ROCK2: variants seen among roughly 807,000 people sequenced by gnomAD.
ROCK2 encodes rho-associated protein kinase 2.
In ROCK2, 61 loss-of-function variants were observed where a neutral mutation model predicts 195.1. The observed-to-expected ratio is 0.31, with a 90% CI of 0.25 to 0.39. The LOEUF (loss-of-function observed/expected upper bound fraction) is 0.39, where lower values mean the gene tolerates loss of function less well. Among genes scored for constraint, ROCK2 ranks in the 10% least tolerant of loss-of-function variants. The probability of loss-of-function intolerance (pLI) is 1.00; values close to 1 mark genes in which losing one functional copy is unlikely to be tolerated. For missense variants in ROCK2, 1,109 were observed against 1,637.4 expected, an observed-to-expected ratio of 0.68 and a Z score of 5.57; for synonymous variants, 504 against 545.5, an observed-to-expected ratio of 0.92 and a Z score of 1.06.
chr2:11,208,377 C>T lies in ROCK2; in HGVS notation c.2274G>A (p.Glu758=). 6.4e-7 allele frequency: 1 copy of T among 1,554,526 alleles called. No individual in the cohort carries two copies. The highest frequency in any genetic ancestry group is 8.8e-7 in the Non-Finnish European group (1 of 1,142,658). ...CACAGTCTAATAGAGAACATCTTTT[C>T]TCAGCTTCTAGCAATAGGTTCTCCA... The part of the protein sequence containing the change: ...QKVENLLLEA[E]KRCSLLDCDL... Residue 758 remains glutamate, a synonymous_variant, in exon 19 of 33, where the codon GAG becomes GAA. Coordinates refer to ENST00000315872, the MANE Select transcript of ROCK2 (RefSeq NM_004850.5).
chr2:11,211,323 A>G (rs955469067), intron 18 of ROCK2, among the ~76,000 whole-genome samples: 5 of 152,196 alleles, frequency 3.3e-5, no homozygotes, highest in Non-Finnish European at 4.4e-5. Context: ...CTGTATCAAT[A>G]GTAACAGGTA....
intron 5 of ROCK2, among the ~76,000 whole-genome samples, chr2:11,228,767 A>G (rs563662512): frequency 4.6e-5 from 7 of 152,288 alleles, no homozygotes; most frequent in African/African-American, 1.7e-4. Flanking sequence ...CTGGAGACAC[A>G]CACACAGACA....
chr2:11,327,858 C>T (rs1273582503), intron 1 of ROCK2, among the ~76,000 whole-genome samples: 2 of 152,182 alleles, frequency 1.3e-5, no homozygotes, highest in East Asian at 1.9e-4. Context: ...CCACCAAGCC[C>T]GGCCAACTGT....
intron 10 of ROCK2, 116 bp from the exon 11 acceptor site, chr2:11,218,582 A>G (rs1033831388): frequency 2.1e-5 from 14 of 674,274 alleles, no homozygotes; most frequent in Admixed American, 3.4e-5. Flanking sequence ...TAGCTTTCAT[A>G]AGTTTGAAGA....
At chr2:11,343,644 C>T (rs1200385425) in intron 1 of ROCK2, among the ~76,000 whole-genome samples, 1 of 152,216 alleles carries the variant, frequency 6.6e-6, no homozygotes, top group Admixed American at 6.5e-5. Context: ...CGTAGCATGA[C>T]ACTTTCAAAT....
rs950889208 is a variant in ROCK2, at chr2:11,244,741, G to A, written c.462+4920C>T. Reference sequence around the variant, plus strand: ...TGCCACTGTACTAAATACAGCCTGGGCAACAGAGTGAGATCCTGTCTCTAG... The same window carrying A: ...TGCCACTGTACTAAATACAGCCTGGACAACAGAGTGAGATCCTGTCTCTAG... On this transcript the variant is annotated intron_variant, in intron 4 of 32. Transcript: ENST00000315872. Among the ~76,000 whole-genome samples, 6 of 151,736 alleles carry A rather than the reference G, an allele frequency of 4.0e-5. No homozygotes were observed. In the South Asian group the frequency reaches 6.2e-4, roughly 16 times the overall value.
At chr2:11,312,082 T>C (rs1668053370) in intron 1 of ROCK2, among the ~76,000 whole-genome samples, 1 of 152,186 alleles carries the variant, frequency 6.6e-6, no homozygotes, top group Non-Finnish European at 1.5e-5. Flanking sequence ...TACAGAGCAA[T>C]GCCACTCTTC....
intron 1 of ROCK2, among the ~76,000 whole-genome samples, chr2:11,296,621 C>T (rs184522156): frequency 1.0e-3 from 155 of 152,216 alleles, no homozygotes; most frequent in Middle Eastern, 3.4e-3. Context: ...TTAAAGATTA[C>T]GTAATTTAGG....
At chr2:11,261,614 C>T (rs1356146015) in intron 3 of ROCK2, among the ~76,000 whole-genome samples, 6 of 152,096 alleles carry the variant, frequency 3.9e-5, no homozygotes, top group Non-Finnish European at 5.9e-5. Context: ...GTCAGCAGTT[C>T]GAGACCAGCC....
chr2:11,204,514 T>A (rs912232928), intron 20 of ROCK2, among the ~76,000 whole-genome samples: 2 of 152,212 alleles, frequency 1.3e-5, no homozygotes, highest in African/African-American at 4.8e-5. Flanking sequence ...TTTCTTTAAT[T>A]TCCTCCTCTT....
chr2:11,231,348 T>C lies in ROCK2; in HGVS notation c.724-3950A>G, dbSNP rs369660773. ...TCACCTGAGTAGGTAGGTGGGACTA[T>C]AGGCCCGCGCCATCATGCCCGGCTA... On this transcript the variant is annotated intron_variant, in intron 5 of 32. Transcript: ENST00000315872. Among the ~76,000 whole-genome samples the C allele has an allele frequency of 6.6e-4, 100 of 152,152 alleles. 3 individuals carry two copies. In the South Asian group the frequency reaches 0.012, roughly 18 times the overall value.
chr2:11,248,524 A>AT (rs1485401145), intron 4 of ROCK2, among the ~76,000 whole-genome samples: 1 of 151,894 alleles, frequency 6.6e-6, no homozygotes, highest in Non-Finnish European at 1.5e-5. Flanking sequence ...CCTGGCCAAC[A>AT]TGGCAAAAAC....
intron 32 of ROCK2, among the ~76,000 whole-genome samples, chr2:11,190,558 CAA>C (rs1663385684): frequency 7.2e-6 from 1 of 138,698 alleles, no homozygotes. Context: ...ATTAATGTGT[CAA>C]ATAGCACAAA....
At chr2:11,309,303 T>C (rs1348072282) in intron 1 of ROCK2, among the ~76,000 whole-genome samples, 2 of 152,156 alleles carry the variant, frequency 1.3e-5, no homozygotes, top group Non-Finnish European at 2.9e-5. Flanking sequence ...CACCATTTTA[T>C]ATAAGGGACT....
rs567933183 is a variant in ROCK2 at position 11,235,634 on chromosome 2, T to C, written c.723+68A>G. ...ACCTTTGTTCAAAACTATGAAGACC[T>C]GACTTAAAGTATTTCATTTATTTCT... On this transcript the variant is annotated intron_variant, in intron 5 of 32. Transcript: ENST00000315872. The surrounding 1 kb of genome is among the most constrained non-coding windows in gnomAD (Gnocchi z 4.2). The C allele has an allele frequency of 3.4e-5, 51 of 1,486,158 alleles. No homozygotes were observed. The African/African-American group carries it at 6.7e-4, about 20-fold the overall frequency. The allele number at this position is 1,486,158 out of a possible 1,614,324, so 92.1% of individuals were successfully genotyped here.
At chr2:11,302,239 T>G (rs1355326623) in intron 1 of ROCK2, among the ~76,000 whole-genome samples, 3 of 152,232 alleles carry the variant, frequency 2.0e-5, no homozygotes, top group Non-Finnish European at 4.4e-5. Flanking sequence ...TACTGCTGAG[T>G]AATCTTTCTG....
intron 20 of ROCK2, among the ~76,000 whole-genome samples, chr2:11,206,576 A>G (rs1173474064): frequency 1.3e-5 from 2 of 152,240 alleles, no homozygotes; most frequent in Non-Finnish European, 2.9e-5. Context: ...CCTGGCAATA[A>G]ATAGATCAGC....
chr2:11,289,208 C>A (rs538351603), intron 1 of ROCK2, among the ~76,000 whole-genome samples: 1 of 152,016 alleles, frequency 6.6e-6, no homozygotes, highest in Non-Finnish European at 1.5e-5. Context: ...TCCAGGTAAG[C>A]TGGGATTGTT....
chr2:11,235,012 T>C lies in ROCK2; in HGVS notation c.723+690A>G, dbSNP rs1316988113. Among the ~76,000 whole-genome samples the C allele has an allele frequency of 6.6e-6, 1 of 152,138 alleles. No individual in the cohort carries two copies. The highest frequency in any genetic ancestry group is 2.4e-5 in the African/African-American group (1 of 41,436). ...AGTTTGCTGTCAATATATATTAACATTTATAAGTCGACTCCTAGGACCAAC... is the reference window on the plus strand; with the variant it reads ...AGTTTGCTGTCAATATATATTAACACTTATAAGTCGACTCCTAGGACCAAC... On this transcript the variant is annotated intron_variant, in intron 5 of 32. Coordinates refer to ENST00000315872, the MANE Select transcript of ROCK2 (RefSeq NM_004850.5). This position sits in a 1 kb window ranked among gnomAD's most constrained non-coding sequence, Gnocchi z 4.2.
Sources: allele counts gnomAD v4.1 joint callset (sites outside exome capture counted in the v4.1 genomes callset), GRCh38; gene constraint gnomAD v4.1.1; non-coding constraint Gnocchi (gnomAD v3.1); transcripts MANE v1.5; gene names NCBI Gene and HGNC (gene_info 2026-07-23, HGNC 2026-07-21).